Variants in KIF6 observed in about 807,000 individuals in gnomAD.
The protein encoded by KIF6 is kinesin family member 6, also known as kinesin-like protein KIF6.
In KIF6, 106 loss-of-function variants were observed where a neutral mutation model predicts 112.7. The ratio of observed to expected loss-of-function variants is 0.94; its 90% CI spans 0.80 to 1.11. The LOEUF is 1.11. Ranked by LOEUF, KIF6 falls within the 50% of genes least tolerant of loss-of-function variation. The pLI, the probability that KIF6 is intolerant of heterozygous loss-of-function variation, is 0.00. For missense variants in KIF6, 929 were observed against 964.0 expected, an observed-to-expected ratio of 0.96 and a Z score of 0.48; for synonymous variants, 339 against 339.9, an observed-to-expected ratio of 1.00 and a Z score of 0.03.
intron 5 of KIF6, among the ~76,000 whole-genome samples, chr6:39,621,545 A>G (rs937166943): frequency 2.0e-5 from 3 of 152,206 alleles, no homozygotes; most frequent in Non-Finnish European, 4.4e-5. Flanking sequence ...TGAGAAAAAA[A>G]TCATGTATTT....
chr6:39,470,102 A>T (rs190535136), intron 13 of KIF6, among the ~76,000 whole-genome samples: 2 of 152,322 alleles, frequency 1.3e-5, no homozygotes, highest in African/African-American at 4.8e-5. Flanking sequence ...CATACAAAGT[A>T]TGTTCTTCCA....
intron 5 of KIF6, among the ~76,000 whole-genome samples, chr6:39,626,650 A>C (rs1316757743): frequency 2.0e-5 from 3 of 152,158 alleles, no homozygotes; most frequent in Admixed American, 6.6e-5. Context: ...TGCTCAATAA[A>C]TACTGGTTCA....
At chr6:39,551,544 TC>T (rs1463469146) in intron 10 of KIF6, among the ~76,000 whole-genome samples, 1 of 152,144 alleles carries the variant, frequency 6.6e-6, no homozygotes, top group Non-Finnish European at 1.5e-5. Flanking sequence ...GCAATGGATA[TC>T]CCAATTCCTC....
At position 39,602,304 on chromosome 6, in the gene KIF6, A is replaced by G. The variant is rs556800982; in HGVS notation, c.640-6044T>C. Among the ~76,000 whole-genome samples the G allele has an allele frequency of 1.8e-4, 28 of 152,262 alleles. No homozygotes were observed. The East Asian group carries it at 3.7e-3, about 20-fold the overall frequency. On this transcript the variant is annotated intron_variant, in intron 6 of 22. Coordinates refer to ENST00000287152, the MANE Select transcript of KIF6 (RefSeq NM_145027.6). ...AACCTAGGCTCACTGGACTCCTTAC[A>G]GAGTCATCATATCTGCAGTCTATGG...
chr6:39,702,198 C>T (rs913639021), intron 3 of KIF6, among the ~76,000 whole-genome samples: 4 of 152,174 alleles, frequency 2.6e-5, no homozygotes, highest in Middle Eastern at 3.2e-3. Flanking sequence ...TTCTCTCTAC[C>T]TGAATGCCTT....
chr6:39,656,102 T>A (rs1261614640), intron 3 of KIF6, among the ~76,000 whole-genome samples: 2 of 152,206 alleles, frequency 1.3e-5, no homozygotes, highest in Non-Finnish European at 2.9e-5. Flanking sequence ...TCATGTTTTT[T>A]AAAATGTTTG....
At chr6:39,401,557 T>C (rs1768703192) in intron 15 of KIF6, among the ~76,000 whole-genome samples, 2 of 152,142 alleles carry the variant, frequency 1.3e-5, no homozygotes, top group Admixed American at 1.3e-4. Context: ...CTCTCACTCC[T>C]GCAGAGGGAG....
At chr6:39,709,393 G>A (rs945561767) in intron 3 of KIF6, among the ~76,000 whole-genome samples, 4 of 152,198 alleles carry the variant, frequency 2.6e-5, no homozygotes, top group African/African-American at 9.6e-5. Flanking sequence ...TTGCTCGCAT[G>A]CACAGTTCAC....
At chr6:39,677,533 T>TTATG (rs1787226156) in intron 3 of KIF6, among the ~76,000 whole-genome samples, 1 of 146,366 alleles carries the variant, frequency 6.8e-6, no homozygotes, top group Non-Finnish European at 1.5e-5. Flanking sequence ...ATTTATTTAT[T>TTATG]TATTTATTTT....
At chr6:39,661,266 T>C (rs1786128122) in intron 3 of KIF6, among the ~76,000 whole-genome samples, 1 of 152,236 alleles carries the variant, frequency 6.6e-6, no homozygotes, top group East Asian at 1.9e-4. Context: ...TCTATTTTTC[T>C]GATTTTATTG....
intron 3 of KIF6, among the ~76,000 whole-genome samples, chr6:39,674,785 T>G (rs1787037865): frequency 6.7e-6 from 1 of 149,068 alleles, no homozygotes; most frequent in African/African-American, 2.5e-5. Flanking sequence ...TACAAATGAC[T>G]CAGGGCTGGG....
chr6:39,516,050 G>C (rs1174710611), intron 13 of KIF6, among the ~76,000 whole-genome samples: 1 of 152,152 alleles, frequency 6.6e-6, no homozygotes, highest in East Asian at 1.9e-4. Flanking sequence ...GAGCATTGTG[G>C]ATTTTGGATT....
chr6:39,343,896 T>C lies in KIF6; in HGVS notation c.2322-81A>G. The stretch of plus-strand genomic sequence containing the variant: ...ATATTTCCAAAATGCTTTTCCATTT[T>C]AGGTGACTGATCTCACTCAGAAAGC... On this transcript the variant is annotated intron_variant, in intron 21 of 22. Transcript: ENST00000287152. The surrounding 1 kb of genome is among the most constrained non-coding windows in gnomAD (Gnocchi z 4.1). 2 of 777,826 alleles carry C rather than the reference T, an allele frequency of 2.6e-6. No homozygotes were observed. The highest frequency in any genetic ancestry group is 3.7e-5 in the South Asian group (2 of 54,430). The allele number at this position is 777,826 out of a possible 1,614,324, so 48.2% of individuals were successfully genotyped here. A position where few individuals can be genotyped will look rare whatever the true frequency, so the allele number is the denominator to read the frequency against.
intron 14 of KIF6, among the ~76,000 whole-genome samples, chr6:39,424,033 G>A (rs1008805825): frequency 2.6e-5 from 4 of 152,054 alleles, no homozygotes; most frequent in African/African-American, 4.8e-5. Flanking sequence ...GAGAAAGTCC[G>A]GATTCCCTAA....
rs962997285 is a variant in KIF6, at chr6:39,335,943, G to C, written c.*589C>G. On this transcript the variant is annotated 3_prime_UTR_variant, in exon 23 of 23. Transcript: ENST00000287152. The stretch of plus-strand genomic sequence containing the variant: ...CACAGCTGTTCAGGCACTGCCTCCA[G>C]GTCATCCTGGCCAAGAGGCTGATGG... 5 of 152,878 alleles carry C rather than the reference G, an allele frequency of 3.3e-5. No homozygotes were observed. Among genetic ancestry groups the C allele is most frequent in the Admixed American group, 3.3e-4 (5 of 15,300 alleles). The allele number at this position is 152,878 out of a possible 1,614,324, so 9.5% of individuals were successfully genotyped here.
At chr6:39,390,031 CAAAA>C (rs943420819) in intron 15 of KIF6, among the ~76,000 whole-genome samples, 1 of 43,554 alleles carries the variant, frequency 2.3e-5, no homozygotes, top group Admixed American at 2.1e-4. Flanking sequence ...ACTCTGTCTC[CAAAA>C]AAAAAAAAAA....
At chr6:39,528,749 A>T (rs1777882526) in intron 13 of KIF6, among the ~76,000 whole-genome samples, 1 of 152,194 alleles carries the variant, frequency 6.6e-6, no homozygotes, top group Non-Finnish European at 1.5e-5. Flanking sequence ...TTTTTCATGT[A>T]TCTGTTCATA....
At position 39,337,148 on chromosome 6, in the gene KIF6, CTCTTTCTTTTCTT is replaced by C. The variant is rs1762985368; in HGVS notation, c.2429-613_2429-601del. Among the ~76,000 whole-genome samples, 9 of 97,558 alleles carry C rather than the reference CTCTTTCTTTTCTT, an allele frequency of 9.2e-5. 2 individuals are homozygous for C. The highest frequency in any genetic ancestry group is 3.3e-4 in the African/African-American group (8 of 24,568). The allele number at this position is 97,558 out of a possible 152,430, so 64.0% of individuals were successfully genotyped here. On this transcript the variant is annotated intron_variant, in intron 22 of 22. Transcript: ENST00000287152. ...TCTTTCCTCCTTCCTTCCTTCCTTT[CTCTTTCTTTTCTT>C]TCTTTCCTTCCTTCTTTCTTTCTTT...
chr6:39,715,650 C>A (rs1434914100), intron 2 of KIF6, among the ~76,000 whole-genome samples: 1 of 151,900 alleles, frequency 6.6e-6, no homozygotes, highest in Non-Finnish European at 1.5e-5. Context: ...ATTACAGGTG[C>A]ACCATCACTC....
Sources: gnomAD v4.1 joint callset for allele counts (sites outside exome capture counted in the v4.1 genomes callset) on GRCh38, gnomAD v4.1.1 for gene constraint, Gnocchi (gnomAD v3.1) non-coding constraint, MANE v1.5 for transcripts, NCBI Gene and HGNC (gene_info 2026-07-23, HGNC 2026-07-21) for gene names.